The following CHRDL1 variants were observed in gnomAD, a reference collection of about 807,000 sequenced individuals.
The protein encoded by CHRDL1 is chordin like 1.
CHRDL1 carries 19 observed loss-of-function variants against 40.9 expected under a neutral mutation model. That is an observed-to-expected ratio of 0.46 (90% CI 0.32 to 0.68). CHRDL1 has a LOEUF of 0.68. CHRDL1 is among the 30% of genes least tolerant of loss of function. CHRDL1 has a pLI of 0.03. For missense variants in CHRDL1, 329 were observed against 352.1 expected (o/e 0.93, Z 0.53); for synonymous variants, 136 against 123.4 (o/e 1.10, Z -0.68).
intron 2 of CHRDL1, among the ~76,000 whole-genome samples, chrX:110,787,942 A>G (rs2090042383): frequency 8.9e-6 from 1 of 112,614 alleles, no homozygotes; most frequent in South Asian, 3.7e-4. Context: ...ATAGTTCATT[A>G]CCTAAGTTAG....
rs140271511 is a variant in CHRDL1 at position 110,775,822 on chromosome X, G to A, written c.95-13015C>T. 5.4e-4 allele frequency among the ~76,000 whole-genome samples: 59 copies of A among 108,298 alleles called. No homozygotes were observed. The East Asian group carries it at 0.014, about 26-fold the overall frequency. The allele number at this position is 108,298 out of a possible 115,157, so 94.0% of individuals were successfully genotyped here. On this transcript the variant is annotated intron_variant, in intron 2 of 11. Transcript: ENST00000372042. Reference sequence around the variant, plus strand: ...CTTCCTTTCTTTTTCTGTCTTCTCTGGTTTTAACTGAACATTTTATATTAT... The same window carrying A: ...CTTCCTTTCTTTTTCTGTCTTCTCTAGTTTTAACTGAACATTTTATATTAT...
At chrX:110,772,361 G>A (rs1364703992) in intron 2 of CHRDL1, among the ~76,000 whole-genome samples, 2 of 112,864 alleles carry the variant, frequency 1.8e-5, no homozygotes, top group East Asian at 2.8e-4. Flanking sequence ...CTTTTTGGCC[G>A]GGTGTGGTGG....
chrX:110,714,319 A>G (rs943411018), intron 6 of CHRDL1, among the ~76,000 whole-genome samples: 67 of 111,850 alleles, frequency 6.0e-4, no homozygotes, highest in African/African-American at 2.0e-3. Context: ...AGTATTCACA[A>G]TTCTGAAGAC....
intron 2 of CHRDL1, among the ~76,000 whole-genome samples, chrX:110,782,068 G>C (rs2089954018): frequency 8.9e-6 from 1 of 111,961 alleles, no homozygotes; most frequent in African/African-American, 3.2e-5. Context: ...TTAGCTCAAA[G>C]GCTAGGAGGT....
At chrX:110,696,013 C>A (rs963320572) in intron 7 of CHRDL1, among the ~76,000 whole-genome samples, 2 of 111,837 alleles carry the variant, frequency 1.8e-5, no homozygotes, top group African/African-American at 6.5e-5. Flanking sequence ...CTCATATGTC[C>A]TTTTCTGCCA....
At chrX:110,765,592 G>A (rs1265696260) in intron 2 of CHRDL1, among the ~76,000 whole-genome samples, 1 of 111,944 alleles carries the variant, frequency 8.9e-6, no homozygotes, top group East Asian at 2.8e-4. Context: ...CTTTGCTGAA[G>A]ATCAGTTGGC....
rs58125100 is a variant in CHRDL1 at position 110,792,233 on chromosome X, G to GA, written c.-34-19dup. 5.5e-6 allele frequency: 4 copies of GA among 722,588 alleles called. No homozygotes were observed. The highest frequency in any genetic ancestry group is 8.5e-6 in the Non-Finnish European group (4 of 471,498). The allele number at this position is 722,588 out of a possible 1,213,427, so 59.5% of individuals were successfully genotyped here. On this transcript the variant is annotated intron_variant, in intron 1 of 11. Transcript: ENST00000372042. The stretch of plus-strand genomic sequence containing the variant: ...CCTTCAAGCTGTTGGGAAGAAAGCA[G>GA]AAAAAAGACTTAACACAGATCTTCT...
At chrX:110,759,019 C>T (rs1246139529) in intron 4 of CHRDL1, among the ~76,000 whole-genome samples, 1 of 111,896 alleles carries the variant, frequency 8.9e-6, no homozygotes, top group East Asian at 2.8e-4. Context: ...CCCAGTCAGA[C>T]ATGAACAAAG....
chrX:110,763,754 C>A (rs1454960449), intron 2 of CHRDL1, among the ~76,000 whole-genome samples: 2 of 111,387 alleles, frequency 1.8e-5, no homozygotes, highest in Non-Finnish European at 3.8e-5. Flanking sequence ...CATAGATACC[C>A]AACACTGGGA....
intron 10 of CHRDL1, 84 bp from the exon 11 acceptor site, chrX:110,679,509 T>C: frequency 4.8e-6 from 3 of 625,992 alleles, no homozygotes; most frequent in Middle Eastern, 8.7e-4. Flanking sequence ...AGGCTCAGCA[T>C]ATCATTTCAT....
chrX:110,681,470 T>G lies in CHRDL1; in HGVS notation c.1156+12A>C. On this transcript the variant is annotated intron_variant, in intron 10 of 11. Transcript: ENST00000372042. ...CCTTACAAAGATGAGAAATTAATGT[T>G]GTCTTGCTCACCCTTTCGAATAGTC... 3 of 1,193,610 alleles carry G rather than the reference T, an allele frequency of 2.5e-6. No homozygotes were observed. The highest frequency in any genetic ancestry group is 1.8e-5 in the South Asian group (1 of 54,891).
At chrX:110,738,901 G>T (rs1255856589) in intron 4 of CHRDL1, among the ~76,000 whole-genome samples, 1 of 111,552 alleles carries the variant, frequency 9.0e-6, no homozygotes, top group Non-Finnish European at 1.9e-5. Flanking sequence ...TTTTAAGAAT[G>T]GTTTACGCCC....
chrX:110,738,953 G>T (rs1263982608), intron 4 of CHRDL1, among the ~76,000 whole-genome samples: 1 of 111,263 alleles, frequency 9.0e-6, no homozygotes, highest in Non-Finnish European at 1.9e-5. Context: ...CATTGCTCAC[G>T]ATACCATTGA....
rs11283611 is a variant in CHRDL1 at position 110,792,662 on chromosome X, T to TTTACCA, written c.-34-448_-34-447insTGGTAA. Among the ~76,000 whole-genome samples, 39 of 110,270 alleles carry TTTACCA rather than the reference T, an allele frequency of 3.5e-4. No individual in the cohort carries two copies. The East Asian group carries it at 6.6e-3, about 19-fold the overall frequency. ...AACTAATCTTAGCTTCAAGACTACTTTTAATCCTTTTGGAATGAAGTACAA... is the reference window on the plus strand; with the variant it reads ...AACTAATCTTAGCTTCAAGACTACTTTTACCATTAATCCTTTTGGAATGAAGTACAA... On this transcript the variant is annotated intron_variant, in intron 1 of 11. Transcript: ENST00000372042.
At position 110,719,848 on chromosome X, in the gene CHRDL1, G is replaced by A. The variant is rs2070915209; in HGVS notation, c.528C>T (p.Cys176=). ...AFPVSVPDSC[C]RVCRGDGELS... ...TAACACACCTACCTCTGCATACCCG[G>A]CAGCAGGAATCTGGAACAGAGACTG... The change falls in exon 6 of 12, where the codon TGC becomes TGT. Residue 176 remains cysteine, a synonymous_variant. Coordinates refer to ENST00000372042, the MANE Select transcript of CHRDL1 (RefSeq NM_001143981.2). 8.3e-7 allele frequency: 1 copy of A among 1,201,056 alleles called. No homozygotes were observed. Among genetic ancestry groups the A allele is most frequent in the South Asian group, 1.8e-5 (1 of 56,587 alleles).
rs1474110004 is a variant in CHRDL1, at chrX:110,762,352, C to T, written c.207+343G>A. On this transcript the variant is annotated intron_variant, in intron 3 of 11. Coordinates refer to ENST00000372042, the MANE Select transcript of CHRDL1 (RefSeq NM_001143981.2). ...AGTGCAGTGGTATAATCTCGGTTCACTTCAGCCTAGAAGTCCCCAGCTCAA... is the reference window on the plus strand; with the variant it reads ...AGTGCAGTGGTATAATCTCGGTTCATTTCAGCCTAGAAGTCCCCAGCTCAA... 3.6e-5 allele frequency among the ~76,000 whole-genome samples: 4 copies of T among 111,933 alleles called. No individual in the cohort carries two copies. In the South Asian group the frequency reaches 1.5e-3, roughly 42 times the overall value.
At chrX:110,734,503 T>A (rs938591943) in intron 4 of CHRDL1, among the ~76,000 whole-genome samples, 9 of 111,688 alleles carry the variant, frequency 8.1e-5, no homozygotes, top group Middle Eastern at 4.6e-3. Flanking sequence ...TACATAAGCC[T>A]CCTAGGGTTC....
intron 2 of CHRDL1, among the ~76,000 whole-genome samples, chrX:110,770,125 G>T (rs973384119): frequency 8.9e-6 from 1 of 112,150 alleles, no homozygotes; most frequent in Non-Finnish European, 1.9e-5. Flanking sequence ...GTGACATTGA[G>T]TAAGTCACTC....
intron 2 of CHRDL1, among the ~76,000 whole-genome samples, chrX:110,785,150 A>T (rs1448933578): frequency 9.0e-6 from 1 of 111,721 alleles, no homozygotes; most frequent in Non-Finnish European, 1.9e-5. Context: ...AGAGAATAAA[A>T]GTTGAGCTCT....
Sources: gnomAD v4.1 joint callset for allele counts (sites outside exome capture counted in the v4.1 genomes callset) on GRCh38, gnomAD v4.1.1 for gene constraint, MANE v1.5 for transcripts, NCBI Gene and HGNC (gene_info 2026-07-23, HGNC 2026-07-21) for gene names.